Variants in MCF2L observed in about 807,000 individuals in gnomAD.
The protein encoded by MCF2L is guanine nucleotide exchange factor DBS.
MCF2L carries 97 observed loss-of-function variants against 153.4 expected under a neutral mutation model. That is an observed-to-expected ratio of 0.63 (90% CI 0.54 to 0.75). The LOEUF (loss-of-function observed/expected upper bound fraction) is 0.75, where lower values mean the gene tolerates loss of function less well. MCF2L is among the 30% of genes least tolerant of loss of function. The probability of loss-of-function intolerance (pLI) is 0.00; values close to 1 mark genes in which losing one functional copy is unlikely to be tolerated. For missense variants in MCF2L, 1,347 were observed against 1,495.2 expected (o/e 0.90, Z 1.64); for synonymous variants, 659 against 632.2 (o/e 1.04, Z -0.64).
Position 113,088,557 on chromosome 13 carries a change from C to T in MCF2L, c.2768-5C>T, listed in dbSNP as rs375813814. Reference sequence around the variant, plus strand: ...TCACGTGGTTTGTCTGCTCCCTCCTCGCAGAAGCCAGCCAGCACCGGGCGC... The same window carrying T: ...TCACGTGGTTTGTCTGCTCCCTCCTTGCAGAAGCCAGCCAGCACCGGGCGC... On this transcript the variant is annotated splice_polypyrimidine_tract_variant and splice_region_variant and intron_variant, in intron 24 of 29. Coordinates refer to ENST00000535094, the MANE Select transcript of MCF2L (RefSeq NM_001112732.3). 687 of 1,611,106 alleles carry T rather than the reference C, an allele frequency of 4.3e-4. 1 individual carries two copies. Among genetic ancestry groups the T allele is most frequent in the Non-Finnish European group, 4.8e-4 (563 of 1,179,702 alleles).
intron 1 of MCF2L, among the ~76,000 whole-genome samples, chr13:112,985,642 A>G (rs1456419303): frequency 1.3e-5 from 2 of 152,130 alleles, no homozygotes; most frequent in Admixed American, 6.5e-5. Flanking sequence ...GGGAGTGGGG[A>G]TGAGAAGCAA....
At position 113,096,962 on chromosome 13, in the gene MCF2L, AC is replaced by A; in HGVS notation, c.*106del. 1 of 749,114 alleles carries A rather than the reference AC, an allele frequency of 1.3e-6. No individual in the cohort carries two copies. The highest frequency in any genetic ancestry group is 1.9e-6 in the Non-Finnish European group (1 of 534,918). 46.4% of individuals were successfully genotyped at this position (749,114 alleles called of 1,614,324 possible). On this transcript the variant is annotated 3_prime_UTR_variant, in exon 30 of 30. Coordinates refer to ENST00000535094, the MANE Select transcript of MCF2L (RefSeq NM_001112732.3). ...GAGGAAGGGGCACCTCACCGCCCCCACCCAGAGCGCCTGGCCGTGCGGGCTG... is the reference window on the plus strand; with the variant it reads ...GAGGAAGGGGCACCTCACCGCCCCCACCAGAGCGCCTGGCCGTGCGGGCTG...
At chr13:113,062,324 G>T (rs1321444607) in intron 5 of MCF2L, among the ~76,000 whole-genome samples, 1 of 152,052 alleles carries the variant, frequency 6.6e-6, no homozygotes, top group East Asian at 1.9e-4. Context: ...TCAGCACCCT[G>T]CAGACAGCAC....
chr13:113,041,632 T>C (rs2086497384), intron 3 of MCF2L, among the ~76,000 whole-genome samples: 1 of 152,166 alleles, frequency 6.6e-6, no homozygotes, highest in African/African-American at 2.4e-5. Flanking sequence ...TAGGGGCTCT[T>C]TACATCCTCA....
chr13:113,066,243 T>C (rs1594910263), intron 8 of MCF2L, 73 bp downstream of exon 8: 2 of 1,477,946 alleles, frequency 1.4e-6, no homozygotes, highest in South Asian at 1.4e-5. Context: ...ACACAGCTTC[T>C]GCAAAAGAAA....
chr13:113,018,102 G>A (rs2084648900), intron 2 of MCF2L, among the ~76,000 whole-genome samples: 1 of 152,322 alleles, frequency 6.6e-6, no homozygotes, highest in East Asian at 1.9e-4. Flanking sequence ...GAACCCTACA[G>A]CTCTGTCCAG....
chr13:112,991,436 TG>T (rs2082895634), intron 1 of MCF2L, among the ~76,000 whole-genome samples: 1 of 151,964 alleles, frequency 6.6e-6, no homozygotes, highest in Non-Finnish European at 1.5e-5. Flanking sequence ...CACTGTGTTT[TG>T]GGGGGTGTCT....
In MCF2L at chr13:113,074,914, CG is replaced by C; in HGVS notation, c.1117-81del. 5.6e-6 allele frequency: 7 copies of C among 1,246,640 alleles called. No individual in the cohort carries two copies. The South Asian group carries it at 8.5e-5, about 15-fold the overall frequency. The allele number at this position is 1,246,640 out of a possible 1,614,324, so 77.2% of individuals were successfully genotyped here. A position where few individuals can be genotyped will look rare whatever the true frequency, so the allele number is the denominator to read the frequency against. On this transcript the variant is annotated intron_variant, in intron 10 of 29. Transcript: ENST00000535094. This position sits in a 1 kb window ranked among gnomAD's most constrained non-coding sequence, Gnocchi z 4.2. ...AAGAAATCAAGACACACGTGTGCCC[CG>C]GGACACACATCCCGTACAGCAAGGC...
chr13:112,906,472 GCA>G (rs1235750246), intron 2 of MCF2L, among the ~76,000 whole-genome samples: 1 of 152,218 alleles, frequency 6.6e-6, no homozygotes, highest in Non-Finnish European at 1.5e-5. Context: ...ACAGGAACAT[GCA>G]CACACGCATA....
intron 4 of MCF2L, among the ~76,000 whole-genome samples, chr13:113,047,961 A>C (rs1232567532): frequency 9.2e-6 from 1 of 108,506 alleles, no homozygotes; most frequent in African/African-American, 3.5e-5. Flanking sequence ...CACACACATC[A>C]CCACGTGTGT....
At chr13:113,014,008 T>C (rs1451488347) in intron 1 of MCF2L, among the ~76,000 whole-genome samples, 1 of 144,420 alleles carries the variant, frequency 6.9e-6, no homozygotes, top group Non-Finnish European at 1.5e-5. Flanking sequence ...CCCGTGCTCC[T>C]GGCTGGTGCT....
chr13:113,094,828 G>A, intron 27 of MCF2L, 193 bp downstream of exon 27: 2 of 1,077,902 alleles, frequency 1.9e-6, no homozygotes, highest in Middle Eastern at 2.9e-4. Context: ...GGTCCACCCA[G>A]ACCTGGGTCT....
At chr13:112,902,887 G>A (rs1176763184) in intron 2 of MCF2L, among the ~76,000 whole-genome samples, 2 of 152,194 alleles carry the variant, frequency 1.3e-5, no homozygotes, top group African/African-American at 4.8e-5. Flanking sequence ...TGGGGTGTGA[G>A]TGGCCTCTCC....
intron 27 of MCF2L, chr13:113,096,012 C>A: frequency 2.6e-6 from 1 of 384,342 alleles, no homozygotes; most frequent in Non-Finnish European, 4.7e-6. Flanking sequence ...CGGGGAGTAC[C>A]AAGGAAGGCC....
chr13:113,083,752 G>C (rs1220549089), intron 17 of MCF2L, among the ~76,000 whole-genome samples: 2 of 152,216 alleles, frequency 1.3e-5, no homozygotes, highest in African/African-American at 4.8e-5. Flanking sequence ...GGGAAAAGCA[G>C]CTCCCTCCAA....
chr13:113,062,297 G>A (rs892877957), intron 5 of MCF2L, among the ~76,000 whole-genome samples: 11 of 152,022 alleles, frequency 7.2e-5, no homozygotes, highest in Non-Finnish European at 1.6e-4. Context: ...AGCTCCTCTC[G>A]TGATGGCGTG....
At chr13:113,032,169 C>T (rs1315603654) in intron 3 of MCF2L, among the ~76,000 whole-genome samples, 1 of 152,160 alleles carries the variant, frequency 6.6e-6, no homozygotes, top group African/African-American at 2.4e-5. Flanking sequence ...CTCGGTTTGT[C>T]GTCCCCCTGC....
Position 113,064,332 on chromosome 13 carries a change from T to TA in MCF2L, c.519dup (p.His174ThrfsTer6). On this transcript the variant is annotated frameshift_variant, in exon 6 of 30. Coordinates refer to ENST00000535094, the MANE Select transcript of MCF2L (RefSeq NM_001112732.3). LOFTEE classifies it high-confidence loss of function. The surrounding 1 kb of genome is among the most constrained non-coding windows in gnomAD (Gnocchi z 6.0). ...ATAATGCTGAGCTCCGTACCAGACT[T>TA]ACACGGTTACATCGATAAGTCGCAG... 1 of 1,613,006 alleles carries TA rather than the reference T, an allele frequency of 6.2e-7. No individual in the cohort carries two copies. The highest frequency in any genetic ancestry group is 8.5e-7 in the Non-Finnish European group (1 of 1,179,914).
chr13:113,015,581 C>T (rs1482883165), intron 2 of MCF2L, among the ~76,000 whole-genome samples: 1 of 152,212 alleles, frequency 6.6e-6, no homozygotes, highest in Admixed American at 6.5e-5. Context: ...GGCCCCCAAT[C>T]CATGGCTGGC....
Sources: allele counts gnomAD v4.1 joint callset (sites outside exome capture counted in the v4.1 genomes callset), GRCh38; gene constraint gnomAD v4.1.1; non-coding constraint Gnocchi (gnomAD v3.1); transcripts MANE v1.5; gene names NCBI Gene and HGNC (gene_info 2026-07-23, HGNC 2026-07-21).